Variants in PLB1 observed in about 807,000 individuals in gnomAD.
PLB1 encodes the protein phospholipase B1, membrane-associated.
A neutral mutation model predicts 227.4 loss-of-function variants in PLB1; 242 were observed. That is an observed-to-expected ratio of 1.06 (90% confidence interval 0.96 to 1.18). The LOEUF (loss-of-function observed/expected upper bound fraction) is 1.18, where lower values mean the gene tolerates loss of function less well. Among genes scored for constraint, PLB1 ranks in the 50% most tolerant of loss-of-function variants. The pLI is 0.00. For missense variants in PLB1, 1,858 were observed against 1,816.3 expected (o/e 1.02, Z -0.42); for synonymous variants, 757 against 682.2 (o/e 1.11, Z -1.71).
At chr2:28,642,795 C>T in intron 57 of PLB1, 63 bp from the exon 58 acceptor site, 1 of 1,420,446 alleles carries the variant, frequency 7.0e-7, no homozygotes, top group South Asian at 1.3e-5. Flanking sequence ...CTAGGCAAGT[C>T]TTGGCTTGGT....
intron 44 of PLB1, among the ~76,000 whole-genome samples, chr2:28,616,006 T>G (rs558787797): frequency 6.6e-6 from 1 of 152,346 alleles, no homozygotes; most frequent in East Asian, 1.9e-4. Flanking sequence ...TCTCACCATA[T>G]GCGGAAGCTT....
At chr2:28,582,590 C>A in intron 25 of PLB1, 85 bp downstream of exon 25, 1 of 1,086,408 alleles carries the variant, frequency 9.2e-7, no homozygotes, top group Non-Finnish European at 1.4e-6. Context: ...TTAGAAAACC[C>A]AAGGGCCGAA....
intron 35 of PLB1, among the ~76,000 whole-genome samples, chr2:28,599,336 T>G (rs534736945): frequency 1.8e-4 from 28 of 152,354 alleles, no homozygotes; most frequent in Admixed American, 1.0e-3. Flanking sequence ...AGCCTAGGTC[T>G]TCTTGCTCTA....
At position 28,538,396 on chromosome 2, in the gene PLB1, C is replaced by G; in HGVS notation, c.618+15C>G. 1 of 1,609,266 alleles carries G rather than the reference C, an allele frequency of 6.2e-7. No homozygotes were observed. Among genetic ancestry groups the G allele is most frequent in the Non-Finnish European group, 8.5e-7 (1 of 1,178,544 alleles). On this transcript the variant is annotated intron_variant, in intron 10 of 57. Coordinates refer to ENST00000327757, the MANE Select transcript of PLB1 (RefSeq NM_153021.5). ...TGCAGCAGGAGGTGAGGCCACGGGC[C>G]TAGGGCTTCCCCAAGGGCAGTGGGG...
intron 13 of PLB1, among the ~76,000 whole-genome samples, chr2:28,542,946 T>C (rs1672713417): frequency 1.3e-5 from 2 of 152,114 alleles, no homozygotes; most frequent in African/African-American, 2.4e-5. Flanking sequence ...ACCCCCTCCT[T>C]CCACTGTTTA....
Position 28,593,694 on chromosome 2 carries a change from T to A in PLB1, c.2261T>A (p.Ile754Asn). ...LGDSLTAGNG[I>N]GSKPDDLPDV... ...ATATTTTCAAAGGCTGGCAATGGAA[T>A]TGGCTCCAAACCAGACGACCTCCCC... Residue 754 changes from isoleucine (I) to asparagine (N), a missense_variant, in exon 33 of 58, where the codon ATT (isoleucine) becomes AAT (asparagine). Ile to Asn is a moderately radical substitution (Grantham distance 149, BLOSUM62 -3). Coordinates refer to ENST00000327757, the MANE Select transcript of PLB1 (RefSeq NM_153021.5). The A allele has an allele frequency of 1.2e-6, 2 of 1,614,144 alleles. No homozygotes were observed. Among genetic ancestry groups the A allele is most frequent in the Non-Finnish European group, 1.7e-6 (2 of 1,180,006 alleles).
In PLB1 at chr2:28,516,692, T is replaced by C. The variant is rs557357270; in HGVS notation, c.56-116T>C. 7.9e-5 allele frequency: 69 copies of C among 876,246 alleles called. No individual in the cohort carries two copies. The South Asian group carries it at 1.0e-3, about 13-fold the overall frequency. The allele number at this position is 876,246 out of a possible 1,614,324, so 54.3% of individuals were successfully genotyped here. The stretch of plus-strand genomic sequence containing the variant: ...TAGAATCTGGGCTTCCCTAACACAG[T>C]GGACATTACTGAGCTGGGCACACAG... On this transcript the variant is annotated intron_variant, in intron 1 of 57. Coordinates refer to ENST00000327757, the MANE Select transcript of PLB1 (RefSeq NM_153021.5).
chr2:28,567,347 G>A (rs780900531), intron 20 of PLB1, among the ~76,000 whole-genome samples: 34 of 152,146 alleles, frequency 2.2e-4, no homozygotes, highest in Admixed American at 5.9e-4. Flanking sequence ...TGTAGGAACC[G>A]CTGCTATTGC....
At chr2:28,555,653 C>T (rs1289026852) in intron 17 of PLB1, among the ~76,000 whole-genome samples, 3 of 152,078 alleles carry the variant, frequency 2.0e-5, no homozygotes, top group Non-Finnish European at 4.4e-5. Flanking sequence ...ATCTTTATAC[C>T]TCCAGTGACT....
At chr2:28,583,097 C>T (rs1680324382) in intron 25 of PLB1, among the ~76,000 whole-genome samples, 1 of 152,168 alleles carries the variant, frequency 6.6e-6, no homozygotes, top group Non-Finnish European at 1.5e-5. Context: ...CCCTCAGCCT[C>T]CAGAGCCAGA....
chr2:28,632,801 T>G (rs1573578378), intron 55 of PLB1, 143 bp from the exon 56 acceptor site: 1 of 625,962 alleles, frequency 1.6e-6, no homozygotes, highest in African/African-American at 2.1e-5. Context: ...TTCTGGGAGT[T>G]TTTCCATCAG....
intron 27 of PLB1, 24 bp from the exon 28 acceptor site, chr2:28,589,649 CCT>C: frequency 1.9e-6 from 3 of 1,611,144 alleles, no homozygotes; most frequent in Non-Finnish European, 2.5e-6. Flanking sequence ...TCTATAACTG[CCT>C]CTCTTTTTCT....
In PLB1 at chr2:28,539,169, C is replaced by A. The variant is rs746396162; in HGVS notation, c.689C>A (p.Thr230Asn). Residue 230 changes from threonine to asparagine, a missense_variant, in exon 11 of 58, where the codon ACT becomes AAT. By Grantham distance (65) the Thr-to-Asn change is moderately conservative. Coordinates refer to ENST00000327757, the MANE Select transcript of PLB1 (RefSeq NM_153021.5). The part of the protein sequence containing the change: ...VAEVSRQYHG[T>N]WLSPAPEPCN... ...GAGGTCTCTCGTCAGTATCACGGCACTTGGCTCAGGTAAAAGGGGAAGTGG... is the reference window on the plus strand; with the variant it reads ...GAGGTCTCTCGTCAGTATCACGGCAATTGGCTCAGGTAAAAGGGGAAGTGG... The A allele has an allele frequency of 3.7e-6, 6 of 1,613,412 alleles. No individual in the cohort carries two copies. In the East Asian group the frequency reaches 1.1e-4, roughly 30 times the overall value.
chr2:28,612,860 A>AC (rs11400420), intron 43 of PLB1, among the ~76,000 whole-genome samples: 1,865 of 145,184 alleles, frequency 0.013, 41 homozygotes, highest in African/African-American at 0.045. Flanking sequence ...CATGTGATGA[A>AC]CCCCCCCTTG....
At chr2:28,535,362 T>A (rs1462160836) in intron 9 of PLB1, among the ~76,000 whole-genome samples, 1 of 152,238 alleles carries the variant, frequency 6.6e-6, no homozygotes, top group Non-Finnish European at 1.5e-5. Context: ...CTGGAATAAA[T>A]CTCACCTCCA....
At chr2:28,600,625 C>CG (rs2148298094) in intron 35 of PLB1, among the ~76,000 whole-genome samples, 184 bp from the exon 36 acceptor site, 1 of 152,280 alleles carries the variant, frequency 6.6e-6, no homozygotes, top group Non-Finnish European at 1.5e-5. Flanking sequence ...ATTGGCTTTT[C>CG]AAATGATTAT....
chr2:28,519,815 C>A, intron 4 of PLB1, 52 bp downstream of exon 4: 2 of 1,443,024 alleles, frequency 1.4e-6, no homozygotes, highest in South Asian at 1.2e-5. Context: ...TACTGATGAT[C>A]CTCTGAATGG....
chr2:28,541,912 T>C (rs1005522501), intron 13 of PLB1, 101 bp downstream of exon 13: 53 of 925,758 alleles, frequency 5.7e-5, no homozygotes, highest in Non-Finnish European at 8.1e-5. Context: ...GTGGGTGGAT[T>C]ACTTGAGATC....
intron 56 of PLB1, among the ~76,000 whole-genome samples, chr2:28,635,354 TGA>T (rs1689172646): frequency 6.6e-6 from 1 of 152,222 alleles, no homozygotes; most frequent in Non-Finnish European, 1.5e-5. Flanking sequence ...TGGAACAGAC[TGA>T]GAGGTCATCT....
Sources: gnomAD v4.1 joint callset for allele counts (sites outside exome capture counted in the v4.1 genomes callset) on GRCh38, gnomAD v4.1.1 for gene constraint, MANE v1.5 for transcripts, NCBI Gene and HGNC (gene_info 2026-07-23, HGNC 2026-07-21) for gene names.